Variants in IQSEC3 observed in about 807,000 individuals in gnomAD.
IQSEC3 encodes IQ motif and Sec7 domain ArfGEF 3, also known as IQ motif and SEC7 domain-containing protein 3.
In IQSEC3, 50 loss-of-function variants were observed where a neutral mutation model predicts 105.4. The ratio of observed to expected loss-of-function variants is 0.47; its 90% CI spans 0.38 to 0.60. IQSEC3 has a LOEUF of 0.60. Ranked by LOEUF, IQSEC3 falls within the 20% of genes least tolerant of loss-of-function variation. The probability of loss-of-function intolerance (pLI) is 0.00; values close to 1 mark genes in which losing one functional copy is unlikely to be tolerated. For missense variants in IQSEC3, 1,415 were observed against 1,630.0 expected (o/e 0.87, Z 2.27); for synonymous variants, 708 against 746.0 (o/e 0.95, Z 0.83).
chr12:145,511 G>A (rs1866227160), intron 5 of IQSEC3, among the ~76,000 whole-genome samples: 1 of 152,156 alleles, frequency 6.6e-6, no homozygotes. Context: ...CGCGCACAAG[G>A]AAACCTCCTC....
At chr12:92,300 T>C (rs1356092680) in intron 1 of IQSEC3, among the ~76,000 whole-genome samples, 2 of 152,182 alleles carry the variant, frequency 1.3e-5, no homozygotes, top group Non-Finnish European at 1.5e-5. Context: ...AGAATGACGA[T>C]GTTCCTTTTT....
intron 7 of IQSEC3, among the ~76,000 whole-genome samples, chr12:161,090 C>T (rs1555096043): frequency 6.6e-6 from 1 of 152,174 alleles, no homozygotes; most frequent in Non-Finnish European, 1.5e-5. Flanking sequence ...GTGGAAGAGA[C>T]CAGAGCAGGC....
At chr12:150,233 G>A (rs1308643790) in intron 5 of IQSEC3, among the ~76,000 whole-genome samples, 7 of 152,200 alleles carry the variant, frequency 4.6e-5, no homozygotes, top group East Asian at 1.9e-4. Context: ...CAGAATACGC[G>A]TGTGCTTCAG....
At chr12:168,616 C>T (rs1262945702) in intron 11 of IQSEC3, among the ~76,000 whole-genome samples, 1 of 152,198 alleles carries the variant, frequency 6.6e-6, no homozygotes, top group Non-Finnish European at 1.5e-5. Flanking sequence ...GTATCTCCCA[C>T]GCAGTCCTCT....
At chr12:102,528 G>A (rs1864460652) in intron 2 of IQSEC3, among the ~76,000 whole-genome samples, 1 of 152,234 alleles carries the variant, frequency 6.6e-6, no homozygotes, top group Admixed American at 6.5e-5. Context: ...GATCAGAGAT[G>A]TGGAGATGCT....
intron 3 of IQSEC3, among the ~76,000 whole-genome samples, chr12:129,997 G>A (rs1865536359): frequency 6.6e-6 from 1 of 152,210 alleles, no homozygotes; most frequent in African/African-American, 2.4e-5. Context: ...CACGCTGAAA[G>A]TGAGATTTCT....
intron 2 of IQSEC3, chr12:106,701 C>G (rs1864665590): frequency 6.6e-6 from 1 of 152,176 alleles, no homozygotes; most frequent in Non-Finnish European, 1.5e-5. Flanking sequence ...CTGGAAGCTT[C>G]TTGTTGGAAT....
In IQSEC3 at chr12:138,142, G is replaced by GC. The variant is rs797041510; in HGVS notation, c.904-118dup. The stretch of plus-strand genomic sequence containing the variant: ...GTTCAGACTTTAGCTGCCCAGGAGC[G>GC]CCCCCCCGCCCCCGTCCATTCCTGG... On this transcript the variant is annotated intron_variant, in intron 3 of 13. Transcript: ENST00000538872. The surrounding 1 kb of genome is among the most constrained non-coding windows in gnomAD (Gnocchi z 7.1). 180 of 812,466 alleles carry GC rather than the reference G, an allele frequency of 2.2e-4. No homozygotes were observed. Among genetic ancestry groups the GC allele is most frequent in the African/African-American group, 2.0e-3 (115 of 57,706 alleles). The allele number at this position is 812,466 out of a possible 1,614,324, so 50.3% of individuals were successfully genotyped here.
chr12:154,700 A>G (rs1866625479), intron 5 of IQSEC3, among the ~76,000 whole-genome samples: 1 of 151,518 alleles, frequency 6.6e-6, no homozygotes, highest in Non-Finnish European at 1.5e-5. Flanking sequence ...TCTCTACCAG[A>G]CTTCTTCTGT....
intron 7 of IQSEC3, among the ~76,000 whole-genome samples, chr12:159,743 G>C (rs1866819778): frequency 6.6e-6 from 1 of 152,150 alleles, no homozygotes; most frequent in Non-Finnish European, 1.5e-5. Flanking sequence ...GGGCTGGACT[G>C]GTCCTTTCCA....
intron 2 of IQSEC3, among the ~76,000 whole-genome samples, chr12:101,118 G>A (rs1864408109): frequency 6.6e-6 from 1 of 152,158 alleles, no homozygotes; most frequent in Non-Finnish European, 1.5e-5. Flanking sequence ...GCCTGGCAGG[G>A]GCGGGCACCA....
At chr12:149,869 G>C (rs1282436375) in intron 5 of IQSEC3, among the ~76,000 whole-genome samples, 2 of 152,288 alleles carry the variant, frequency 1.3e-5, no homozygotes, top group Non-Finnish European at 2.9e-5. Context: ...GGGAAGCGGC[G>C]AGAGAAGCTG....
At chr12:100,861 T>C (rs1864401091) in intron 2 of IQSEC3, among the ~76,000 whole-genome samples, 1 of 151,932 alleles carries the variant, frequency 6.6e-6, no homozygotes, top group Non-Finnish European at 1.5e-5. Flanking sequence ...AGCGTGGAGA[T>C]GTGGAAGACA....
intron 7 of IQSEC3, among the ~76,000 whole-genome samples, chr12:160,002 T>C (rs1460035014): frequency 2.0e-5 from 3 of 152,194 alleles, no homozygotes; most frequent in Admixed American, 6.5e-5. Context: ...CCTGCTGTCA[T>C]ATTTTTCATT....
rs1434331597 is a variant in IQSEC3, at chr12:152,289, G to A, written c.2154-4736G>A. Among the ~76,000 whole-genome samples the A allele has an allele frequency of 1.3e-5, 2 of 152,200 alleles. No homozygotes were observed. Among genetic ancestry groups the A allele is most frequent in the African/African-American group, 4.8e-5 (2 of 41,438 alleles). On this transcript the variant is annotated intron_variant, in intron 5 of 13. Transcript: ENST00000538872. This position sits in a 1 kb window ranked among gnomAD's most constrained non-coding sequence, Gnocchi z 4.8. ...CAGAGCCCCCGTGCTGACTGCCCACGCATGCACCAAGAGGCTCTCCTGTGT... is the reference window on the plus strand; with the variant it reads ...CAGAGCCCCCGTGCTGACTGCCCACACATGCACCAAGAGGCTCTCCTGTGT...
chr12:77,282 C>G (rs1863570180), intron 1 of IQSEC3: 1 of 152,406 alleles, frequency 6.6e-6, no homozygotes, highest in Non-Finnish European at 1.5e-5. Flanking sequence ...GGAATATTAT[C>G]TTTTCAAGCA....
Position 138,649 on chromosome 12 carries a change from G to A in IQSEC3, c.1286G>A (p.Arg429Gln), listed in dbSNP as rs1865873733. The A allele has an allele frequency of 6.3e-7, 1 of 1,576,024 alleles. No homozygotes were observed. The highest frequency in any genetic ancestry group is 8.6e-7 in the Non-Finnish European group (1 of 1,169,096). The change falls in exon 4 of 14, where the codon CGG becomes CAG. Residue 429 changes from arginine to glutamine, a missense_variant. Arg to Gln is a conservative substitution (Grantham distance 43). Transcript: ENST00000538872. This position sits in a 1 kb window ranked among gnomAD's most constrained non-coding sequence, Gnocchi z 7.1. ...TWSLKTMCSL[R>Q]ESGAYQLHQA... is the part of the protein sequence containing the mutation. Reference sequence around the variant, plus strand: ...AGCCTCAAGACCATGTGCTCCCTGCGGGAGAGTGGCGCTTACCAGCTCCAC... The same window carrying A: ...AGCCTCAAGACCATGTGCTCCCTGCAGGAGAGTGGCGCTTACCAGCTCCAC...
Position 138,748 on chromosome 12 carries a change from G to A in IQSEC3, c.1385G>A (p.Gly462Glu). The A allele has an allele frequency of 6.5e-7, 1 of 1,537,912 alleles. No individual in the cohort carries two copies. Residue 462 changes from glycine (G) to glutamate (E), a missense_variant, in exon 4 of 14, where the codon GGG (glycine) becomes GAG (glutamate). Coordinates refer to ENST00000538872, the MANE Select transcript of IQSEC3 (RefSeq NM_001170738.2). The surrounding 1 kb of genome is among the most constrained non-coding windows in gnomAD (Gnocchi z 7.1). ...EGRAPESAGP[G>E]PGDDAAETPG... ...CGGGCGCCGGAGAGCGCGGGCCCCG[G>A]GCCCGGGGATGACGCCGCGGAGACC...
intron 2 of IQSEC3, chr12:106,647 C>T (rs1864663757): frequency 6.6e-6 from 1 of 152,208 alleles, no homozygotes; most frequent in South Asian, 2.1e-4. Context: ...TTCGGTAATG[C>T]AGTTTTATCC....
Sources: allele counts gnomAD v4.1 joint callset (sites outside exome capture counted in the v4.1 genomes callset), GRCh38; gene constraint gnomAD v4.1.1; non-coding constraint Gnocchi (gnomAD v3.1); transcripts MANE v1.5; gene names NCBI Gene and HGNC (gene_info 2026-07-23, HGNC 2026-07-21).